Variants in BCHE observed in about 807,000 individuals in gnomAD.
BCHE encodes cholinesterase.
A neutral mutation model predicts 51.3 loss-of-function variants in BCHE; 48 were observed. The ratio of observed to expected loss-of-function variants is 0.94; its 90% confidence interval spans 0.74 to 1.19. The LOEUF (loss-of-function observed/expected upper bound fraction) is 1.19, where lower values mean the gene tolerates loss of function less well. Among genes scored for constraint, BCHE ranks in the 50% most tolerant of loss-of-function variants. The pLI is 0.00. For missense variants in BCHE, 847 were observed against 708.2 expected (o/e 1.20, Z -2.23); for synonymous variants, 251 against 238.0 (o/e 1.05, Z -0.50).
chr3:165,774,957 T>C (rs547354793), intron 3 of BCHE, among the ~76,000 whole-genome samples: 24 of 152,316 alleles, frequency 1.6e-4, no homozygotes, highest in Admixed American at 1.3e-3. Context: ...GTTCCTGGTA[T>C]AAAGGCATAA....
At chr3:165,780,822 A>G (rs1271301274) in intron 3 of BCHE, among the ~76,000 whole-genome samples, 1 of 152,194 alleles carries the variant, frequency 6.6e-6, no homozygotes, top group Non-Finnish European at 1.5e-5. Flanking sequence ...GGGAATATAA[A>G]TTAGTTCAAC....
rs773210938 is a variant in BCHE, at chr3:165,829,767, C to T, written c.1267G>A (p.Asp423Asn). 1.9e-6 allele frequency: 3 copies of T among 1,613,848 alleles called. No homozygotes were observed. The highest frequency in any genetic ancestry group is 1.1e-5 in the South Asian group (1 of 91,074). ...YREALGDVVG[D>N]YNFICPALEF... ...AAGGCAGGGCATATGAAATTATAAT[C>T]CCCAACAACATCACCCAAGGCCTCA... The change falls in exon 2 of 4, where the codon GAT (aspartate) becomes AAT (asparagine). Residue 423 changes from aspartate (D) to asparagine (N), a missense_variant. Physicochemically the swap from Asp to Asn is conservative, Grantham distance 23. Coordinates refer to ENST00000264381, the MANE Select transcript of BCHE (RefSeq NM_000055.4).
chr3:165,836,529 T>C (rs932571101), intron 1 of BCHE, among the ~76,000 whole-genome samples: 10 of 152,030 alleles, frequency 6.6e-5, no homozygotes, highest in Non-Finnish European at 1.5e-4. Flanking sequence ...TAGTCATTCA[T>C]AGATTTTATA....
chr3:165,798,551 C>T (rs147893198), intron 2 of BCHE, among the ~76,000 whole-genome samples: 47 of 152,192 alleles, frequency 3.1e-4, no homozygotes, highest in South Asian at 6.2e-4. Flanking sequence ...TCCAATATCA[C>T]ACAACTTGAA....
intron 2 of BCHE, among the ~76,000 whole-genome samples, chr3:165,794,479 T>C (rs1713293433): frequency 1.3e-5 from 2 of 152,176 alleles, no homozygotes; most frequent in African/African-American, 4.8e-5. Context: ...ATCAAGGCAT[T>C]GGCAACTTTG....
rs1258537656 is a variant in BCHE at position 165,773,262 on chromosome 3, T to C, written c.*120A>G. On this transcript the variant is annotated 3_prime_UTR_variant, in exon 4 of 4. Transcript: ENST00000264381. ...TTAAAGATGTGAGGAATCAATATTA[T>C]CCTTCTGGCATTTTTGTTTCAGCTA... 1 of 930,426 alleles carries C rather than the reference T, an allele frequency of 1.1e-6. No homozygotes were observed. The highest frequency in any genetic ancestry group is 1.7e-5 in the African/African-American group (1 of 59,868). The allele number at this position is 930,426 out of a possible 1,614,324, so 57.6% of individuals were successfully genotyped here.
chr3:165,820,532 A>T (rs965752337), intron 2 of BCHE, among the ~76,000 whole-genome samples: 11 of 152,152 alleles, frequency 7.2e-5, no homozygotes, highest in Non-Finnish European at 1.6e-4. Context: ...AATAAAATAA[A>T]TCCAAGGGGA....
intron 2 of BCHE, among the ~76,000 whole-genome samples, chr3:165,802,657 G>A (rs1431558683): frequency 6.6e-6 from 1 of 151,546 alleles, no homozygotes. Flanking sequence ...TGTAAATGGA[G>A]ACATTTACAG....
intron 2 of BCHE, among the ~76,000 whole-genome samples, chr3:165,828,765 C>T (rs1166253042): frequency 2.0e-5 from 3 of 151,914 alleles, no homozygotes; most frequent in East Asian, 1.9e-4. Flanking sequence ...TATAGATACA[C>T]ATACATATTT....
chr3:165,787,254 C>A (rs1712989624), intron 2 of BCHE, among the ~76,000 whole-genome samples: 1 of 151,772 alleles, frequency 6.6e-6, no homozygotes, highest in Admixed American at 6.6e-5. Context: ...GCCAAGGTCA[C>A]ACAAACAGGA....
At chr3:165,804,056 G>GAAA (rs11447348) in intron 2 of BCHE, among the ~76,000 whole-genome samples, 1 of 146,958 alleles carries the variant, frequency 6.8e-6, no homozygotes. Flanking sequence ...AGAAAGGTTA[G>GAAA]AAAAAAAAAA....
chr3:165,795,880 C>T (rs140514514), intron 2 of BCHE, among the ~76,000 whole-genome samples: 264 of 152,002 alleles, frequency 1.7e-3, no homozygotes, highest in African/African-American at 6.2e-3. Context: ...TGGAATACAT[C>T]CTCAGCTTCA....
rs544120049 is a variant in BCHE at position 165,824,168 on chromosome 3, T to A, written c.1517+5349A>T. ...TTCATGAATAAGAGGAAAACATCAA[T>A]AAATTATATTATTATTAGAAAACAA... On this transcript the variant is annotated intron_variant, in intron 2 of 3. Transcript: ENST00000264381. Among the ~76,000 whole-genome samples, 3 of 151,672 alleles carry A rather than the reference T, an allele frequency of 2.0e-5. No homozygotes were observed. The East Asian group carries it at 5.8e-4, about 29-fold the overall frequency.
intron 2 of BCHE, among the ~76,000 whole-genome samples, chr3:165,798,192 C>T (rs145177564): frequency 1.7e-3 from 263 of 152,140 alleles, no homozygotes; most frequent in African/African-American, 6.2e-3. Context: ...TTAGAAAGAA[C>T]CTTTAAAGTG....
chr3:165,794,837 C>T (rs1234011383), intron 2 of BCHE, among the ~76,000 whole-genome samples: 1 of 151,964 alleles, frequency 6.6e-6, no homozygotes, highest in Non-Finnish European at 1.5e-5. Flanking sequence ...AATAACTGAA[C>T]AAATATCATT....
chr3:165,802,231 G>A (rs946643861), intron 2 of BCHE, among the ~76,000 whole-genome samples: 4 of 152,182 alleles, frequency 2.6e-5, no homozygotes, highest in African/African-American at 4.8e-5. Context: ...ATATCAAGGA[G>A]ACCAAGTTGG....
intron 2 of BCHE, among the ~76,000 whole-genome samples, chr3:165,802,679 C>A (rs1379463422): frequency 1.3e-5 from 2 of 150,286 alleles, no homozygotes; most frequent in African/African-American, 4.9e-5. Context: ...GATATACATT[C>A]ATGAGCATTT....
In BCHE at chr3:165,829,625, A is replaced by G. The variant is rs1303388895; in HGVS notation, c.1409T>C (p.Ile470Thr). ...EWMGVMHGYE[I>T]EFVFGLPLER... ...CAGAGGTAAACCAAAGACAAATTCAATTTCATAGCCATGCATCACTCCCAT... is the reference window on the plus strand; with the variant it reads ...CAGAGGTAAACCAAAGACAAATTCAGTTTCATAGCCATGCATCACTCCCAT... Residue 470 changes from isoleucine (I) to threonine (T), a missense_variant, in exon 2 of 4, where the codon ATT (isoleucine) becomes ACT (threonine). Transcript: ENST00000264381. The G allele has an allele frequency of 6.2e-7, 1 of 1,613,814 alleles. No individual in the cohort carries two copies.
intron 1 of BCHE, among the ~76,000 whole-genome samples, chr3:165,832,162 A>G (rs555568379): frequency 6.8e-4 from 104 of 152,306 alleles, no homozygotes; most frequent in African/African-American, 2.2e-3. Context: ...GACTATTAGA[A>G]GAGATCTAAG....
Sources: gnomAD v4.1 joint callset for allele counts (sites outside exome capture counted in the v4.1 genomes callset) on GRCh38, gnomAD v4.1.1 for gene constraint, MANE v1.5 for transcripts, NCBI Gene and HGNC (gene_info 2026-07-23, HGNC 2026-07-21) for gene names.